Variants in MGAT4D observed in about 807,000 individuals in gnomAD.
MGAT4D encodes the protein alpha-1,3-mannosyl-glycoprotein 4-beta-N-acetylglucosaminyltransferase-like protein MGAT4D.
A neutral mutation model predicts 15.9 loss-of-function variants in MGAT4D; 34 were observed. The observed-to-expected ratio is 2.14, with a 90% CI of 1.62 to 2.84. The LOEUF (loss-of-function observed/expected upper bound fraction) is 2.84. Among genes scored for constraint, MGAT4D ranks in the 30% most tolerant of loss-of-function variants. The pLI, the probability that MGAT4D is intolerant of heterozygous loss-of-function variation, is 0.00. For missense variants in MGAT4D, 327 were observed against 140.2 expected (o/e 2.33, Z -6.73); for synonymous variants, 112 against 48.2 (o/e 2.33, Z -5.49).
chr4:140,452,832 C>A (rs1382295933), intron 9 of MGAT4D, among the ~76,000 whole-genome samples: 4 of 151,988 alleles, frequency 2.6e-5, no homozygotes, highest in Admixed American at 1.3e-4. Context: ...AGCCCTAGGT[C>A]CTGAACATTT....
intron 3 of MGAT4D, among the ~76,000 whole-genome samples, chr4:140,477,295 C>T (rs1467850489): frequency 6.6e-6 from 1 of 152,168 alleles, no homozygotes; most frequent in Non-Finnish European, 1.5e-5. Context: ...CTGGTATTTC[C>T]CTTATCACAG....
chr4:140,451,538 A>G, intron 9 of MGAT4D, 21 bp from the exon 10 acceptor site: 1 of 515,196 alleles, frequency 1.9e-6, no homozygotes. Flanking sequence ...AGAAACAACA[A>G]TCTTCTGTAA....
At chr4:140,470,795 GTTAAA>G (rs1731880260) in intron 5 of MGAT4D, among the ~76,000 whole-genome samples, 1 of 152,048 alleles carries the variant, frequency 6.6e-6, no homozygotes, top group Non-Finnish European at 1.5e-5. Context: ...TGCAGGTAGA[GTTAAA>G]TTAAATACCT....
At chr4:140,444,389 A>G (rs1308276288) in intron 10 of MGAT4D, among the ~76,000 whole-genome samples, 1 of 152,058 alleles carries the variant, frequency 6.6e-6, no homozygotes, top group Non-Finnish European at 1.5e-5. Context: ...TCCCTCAAGT[A>G]AGCCCCAGTA....
At chr4:140,465,224 T>C (rs1177079032) in intron 5 of MGAT4D, among the ~76,000 whole-genome samples, 1 of 152,216 alleles carries the variant, frequency 6.6e-6, no homozygotes, top group Non-Finnish European at 1.5e-5. Context: ...AAAATTAGTT[T>C]CTTCTTATAA....
intron 10 of MGAT4D, among the ~76,000 whole-genome samples, chr4:140,445,496 AAT>A (rs1264460737): frequency 6.6e-6 from 1 of 152,056 alleles, no homozygotes; most frequent in South Asian, 2.1e-4. Context: ...TTACTCTGTT[AAT>A]AGTTTCTTTT....
At chr4:140,466,757 A>G (rs1334264952) in intron 5 of MGAT4D, among the ~76,000 whole-genome samples, 2 of 152,108 alleles carry the variant, frequency 1.3e-5, no homozygotes, top group Non-Finnish European at 1.5e-5. Flanking sequence ...AATCATTTCT[A>G]TGGCCCCATG....
At chr4:140,489,214 T>C (rs1174145270) in intron 1 of MGAT4D, among the ~76,000 whole-genome samples, 2 of 152,104 alleles carry the variant, frequency 1.3e-5, no homozygotes, top group African/African-American at 4.8e-5. Flanking sequence ...ATAAAGAATA[T>C]CTAAGGTAAT....
intron 6 of MGAT4D, among the ~76,000 whole-genome samples, chr4:140,464,424 A>G (rs1159781012): frequency 6.6e-6 from 1 of 152,214 alleles, no homozygotes; most frequent in Non-Finnish European, 1.5e-5. Context: ...GTGTCATTAT[A>G]CACACTAGAA....
At chr4:140,491,389 C>T (rs545503265) in intron 1 of MGAT4D, among the ~76,000 whole-genome samples, 1 of 152,218 alleles carries the variant, frequency 6.6e-6, no homozygotes, top group Non-Finnish European at 1.5e-5. Context: ...GCCCTCTCCT[C>T]ACCAATTCAG....
At chr4:140,488,048 CATT>C (rs1229750285) in intron 1 of MGAT4D, among the ~76,000 whole-genome samples, 16 of 152,194 alleles carry the variant, frequency 1.1e-4, no homozygotes, top group African/African-American at 3.9e-4. Context: ...TCTTTATCAT[CATT>C]GATACTACCA....
intron 8 of MGAT4D, chr4:140,458,420 C>A (rs1368408888): frequency 6.6e-6 from 1 of 152,140 alleles, no homozygotes; most frequent in East Asian, 1.9e-4. Context: ...AAAGAAAGAA[C>A]TGGATGACAG....
At chr4:140,492,483 C>G (rs1184308827) in intron 1 of MGAT4D, among the ~76,000 whole-genome samples, 3 of 152,136 alleles carry the variant, frequency 2.0e-5, no homozygotes, top group African/African-American at 7.2e-5. Flanking sequence ...CAAACATTAG[C>G]TGGGAGTGGT....
At chr4:140,469,208 T>C (rs1467651717) in intron 5 of MGAT4D, among the ~76,000 whole-genome samples, 1 of 152,200 alleles carries the variant, frequency 6.6e-6, no homozygotes, top group Non-Finnish European at 1.5e-5. Flanking sequence ...AATAGAAATA[T>C]AATGAACCCC....
chr4:140,484,925 A>G (rs1005670831), intron 1 of MGAT4D, among the ~76,000 whole-genome samples: 2 of 152,218 alleles, frequency 1.3e-5, no homozygotes, highest in South Asian at 2.1e-4. Flanking sequence ...GGATGTGGAG[A>G]AATAGGAACA....
intron 3 of MGAT4D, among the ~76,000 whole-genome samples, chr4:140,476,797 T>C (rs1732364814): frequency 6.6e-6 from 1 of 152,222 alleles, no homozygotes; most frequent in Non-Finnish European, 1.5e-5. Flanking sequence ...ATTAGTCATT[T>C]TGATCACAAA....
At chr4:140,496,817 C>G (rs1733866840) in intron 1 of MGAT4D, among the ~76,000 whole-genome samples, 2 of 151,572 alleles carry the variant, frequency 1.3e-5, no homozygotes, top group Non-Finnish European at 2.9e-5. Context: ...GCCTGGGCAA[C>G]AAGAGTGAAA....
intron 1 of MGAT4D, among the ~76,000 whole-genome samples, chr4:140,485,835 A>C: frequency 7.0e-6 from 1 of 142,050 alleles, no homozygotes; most frequent in Non-Finnish European, 1.5e-5. Flanking sequence ...AAAAAAAAAA[A>C]AAAAAAAAAA....
At chr4:140,471,914 G>A (rs74791124) in intron 4 of MGAT4D, 93 bp from the exon 5 acceptor site, 2 of 285,704 alleles carry the variant, frequency 7.0e-6, no homozygotes, top group East Asian at 1.2e-4. Flanking sequence ...TAATTTGTGT[G>A]TGAAATGCTA....
Sources: allele counts gnomAD v4.1 joint callset (sites outside exome capture counted in the v4.1 genomes callset), GRCh38; gene constraint gnomAD v4.1.1; transcripts MANE v1.5; gene names NCBI Gene and HGNC (gene_info 2026-07-23, HGNC 2026-07-21).